Variants in ZDHHC11 observed in about 807,000 individuals in gnomAD.
ZDHHC11 encodes the protein zDHHC palmitoyltransferase 11.
ZDHHC11 carries 44 observed loss-of-function variants against 51.3 expected under a neutral mutation model. The observed-to-expected ratio is 0.86, with a 90% CI of 0.67 to 1.10. The LOEUF (loss-of-function observed/expected upper bound fraction) is 1.10, where lower values mean the gene tolerates loss of function less well. Ranked by LOEUF, ZDHHC11 falls within the 50% of genes least tolerant of loss-of-function variation. The pLI is 0.00. For missense variants in ZDHHC11, 400 were observed against 537.7 expected, an observed-to-expected ratio of 0.74 and a Z score of 2.53; for synonymous variants, 163 against 222.0, an observed-to-expected ratio of 0.73 and a Z score of 2.36.
chr5:843,965 CAGAG>C lies in ZDHHC11; in HGVS notation c.504-245_504-242del, dbSNP rs1361823644. Reference sequence around the variant, plus strand: ...GGGCATGCAGGGCAGGTGGGGGGTGCAGAGGCAGGGGCAGGGACACGCAGGGCAT... The same window carrying C: ...GGGCATGCAGGGCAGGTGGGGGGTGCGCAGGGGCAGGGACACGCAGGGCAT... On this transcript the variant is annotated intron_variant, in intron 3 of 12. Coordinates refer to ENST00000283441, the MANE Select transcript of ZDHHC11 (RefSeq NM_024786.3). Among the ~76,000 whole-genome samples, 377 of 72,568 alleles carry C rather than the reference CAGAG, an allele frequency of 5.2e-3. 3 individuals are homozygous for C. In the African/African-American group the frequency reaches 0.058, roughly 11 times the overall value. The allele number at this position is 72,568 out of a possible 152,430, so 47.6% of individuals were successfully genotyped here.
At position 838,634 on chromosome 5, in the gene ZDHHC11, C is replaced by T. The variant is rs545589282; in HGVS notation, c.785-1154G>A. On this transcript the variant is annotated intron_variant, in intron 5 of 12. Transcript: ENST00000283441. ...GGGGACAGGCCTGGGCGTCCTGCCTCCCGCCCACAGCAGCCGACTGCCTGT... is the reference window on the plus strand; with the variant it reads ...GGGGACAGGCCTGGGCGTCCTGCCTTCCGCCCACAGCAGCCGACTGCCTGT... 2.5e-3 allele frequency among the ~76,000 whole-genome samples: 375 copies of T among 152,258 alleles called. 5 individuals are homozygous for T. Among genetic ancestry groups the T allele is most frequent in the Non-Finnish European group, 4.4e-3 (298 of 67,962 alleles).
At chr5:855,355 G>A, upstream of ZDHHC11, among the ~76,000 whole-genome samples, 1 of 143,634 alleles carries the variant, frequency 7.0e-6, no homozygotes, top group Non-Finnish European at 1.5e-5. Context: ...AGGGGGCACA[G>A]ACCCCACAGA....
intron 3 of ZDHHC11, among the ~76,000 whole-genome samples, chr5:844,307 C>T: frequency 1.3e-5 from 2 of 152,296 alleles, no homozygotes; most frequent in Middle Eastern, 3.2e-3. Flanking sequence ...ACGTGATTGC[C>T]TTTAATCCCC....
At chr5:803,352 G>A (rs541018843) in intron 11 of ZDHHC11, among the ~76,000 whole-genome samples, 1 of 151,418 alleles carries the variant, frequency 6.6e-6, no homozygotes, top group East Asian at 1.9e-4. Context: ...TAGCTTGTTT[G>A]TAGCTAGATA....
intron 6 of ZDHHC11, among the ~76,000 whole-genome samples, chr5:836,913 C>T (rs1402313529): frequency 2.1e-5 from 3 of 145,540 alleles, no homozygotes; most frequent in Non-Finnish European, 4.6e-5. Flanking sequence ...AAAAATTAGT[C>T]GGGCGTAGTG....
chr5:797,551 ACTGT>A (rs1335746141), intron 12 of ZDHHC11, among the ~76,000 whole-genome samples: 1 of 151,244 alleles, frequency 6.6e-6, no homozygotes, highest in Non-Finnish European at 1.5e-5. Context: ...TCACTTTTCA[ACTGT>A]CTAATTTGTT....
intron 9 of ZDHHC11, 124 bp downstream of exon 9, chr5:821,737 T>C (rs1222073831): frequency 2.0e-6 from 2 of 999,326 alleles, no homozygotes; most frequent in Non-Finnish European, 2.9e-6. Context: ...TGCCACCTCC[T>C]GGCACTTCAG....
chr5:838,292 C>T (rs1203603447), intron 5 of ZDHHC11, among the ~76,000 whole-genome samples: 7 of 152,144 alleles, frequency 4.6e-5, no homozygotes, highest in East Asian at 3.9e-4. Context: ...TCTTAACAAA[C>T]GTTAATAAAA....
intron 3 of ZDHHC11, among the ~76,000 whole-genome samples, chr5:847,100 G>T (rs1382987802): frequency 7.1e-6 from 1 of 141,568 alleles, no homozygotes; most frequent in African/African-American, 2.9e-5. Flanking sequence ...TCATCTGTGA[G>T]CCTCGACCAT....
rs558339942 is a variant in ZDHHC11 at position 822,807 on chromosome 5, G to A, written c.1024-912C>T. Among the ~76,000 whole-genome samples the A allele has an allele frequency of 1.5e-3, 222 of 152,058 alleles. 6 individuals are homozygous for A. The highest frequency in any genetic ancestry group is 4.6e-3 in the Admixed American group (70 of 15,264). Reference sequence around the variant, plus strand: ...TTTCAGGTGTGAAGCTTTGTGCCTGGATGGTATCCTTAATCTGCTTTCTTG... The same window carrying A: ...TTTCAGGTGTGAAGCTTTGTGCCTGAATGGTATCCTTAATCTGCTTTCTTG... On this transcript the variant is annotated intron_variant, in intron 8 of 12. Coordinates refer to ENST00000283441, the MANE Select transcript of ZDHHC11 (RefSeq NM_024786.3).
Position 850,405 on chromosome 5 carries a change from G to A in ZDHHC11, c.198C>T (p.His66=), listed in dbSNP as rs146263663. 1.9e-5 allele frequency: 30 copies of A among 1,613,522 alleles called. No homozygotes were observed. In the Admixed American group the frequency reaches 2.5e-4, roughly 13 times the overall value. Residue 66 remains histidine (H), a synonymous_variant, in exon 1 of 13, where the codon CAC becomes CAT. Transcript: ENST00000283441. ...CCACGTAGGCAATGTATTTCCACGC[G>A]TGAGGCAGGAAGGGAATGAAGATCC... The part of the protein sequence containing the change: ...TFGIFIPFLP[H]AWKYIAYVVT...
chr5:809,139 C>T (rs2150306194), intron 11 of ZDHHC11, among the ~76,000 whole-genome samples: 1 of 145,932 alleles, frequency 6.9e-6, no homozygotes, highest in South Asian at 2.3e-4. Context: ...AACCTGAACC[C>T]AGCACCTGGA....
At chr5:821,683 G>A (rs1741586046) in intron 9 of ZDHHC11, among the ~76,000 whole-genome samples, 178 bp downstream of exon 9, 1 of 151,420 alleles carries the variant, frequency 6.6e-6, no homozygotes, top group Admixed American at 6.6e-5. Context: ...GCAGGCTGCT[G>A]TGATTCCACA....
chr5:851,173 C>T (rs1264259301), upstream of ZDHHC11, among the ~76,000 whole-genome samples: 1 of 152,218 alleles, frequency 6.6e-6, no homozygotes, highest in Non-Finnish European at 1.5e-5. Context: ...TCTGAGCTTC[C>T]CAGAGGAGCA....
At chr5:816,609 T>C in intron 10 of ZDHHC11, 2 of 628,364 alleles carry the variant, frequency 3.2e-6, no homozygotes, top group Non-Finnish European at 3.1e-6. Context: ...ATCTGTACAA[T>C]CTCCTGTTGC....
rs953088175 is a variant in ZDHHC11 at position 805,675 on chromosome 5, A to C, written c.1182-4511T>G. Among the ~76,000 whole-genome samples the C allele has an allele frequency of 2.6e-5, 4 of 151,354 alleles. 1 individual carries two copies. The highest frequency in any genetic ancestry group is 1.3e-4 in the Admixed American group (2 of 15,182). On this transcript the variant is annotated intron_variant, in intron 11 of 12. Transcript: ENST00000283441. ...AAATAGCAGAAGTGAATCATTTCTTATCAGTAATTACTTTAAACATTTTAT... is the reference window on the plus strand; with the variant it reads ...AAATAGCAGAAGTGAATCATTTCTTCTCAGTAATTACTTTAAACATTTTAT...
At chr5:841,057 T>C in intron 4 of ZDHHC11, 1 of 974,536 alleles carries the variant, frequency 1.0e-6, no homozygotes, top group Non-Finnish European at 1.2e-6. Flanking sequence ...TGCCCACCCC[T>C]TCCTCACTAA....
chr5:812,393 C>T (rs1368918753), intron 11 of ZDHHC11, among the ~76,000 whole-genome samples: 1 of 151,966 alleles, frequency 6.6e-6, no homozygotes, highest in Non-Finnish European at 1.5e-5. Context: ...ACAATACAAA[C>T]AACTCCATTT....
rs1211450639 is a variant in ZDHHC11, at chr5:809,454, A to G, written c.1181+5307T>C. On this transcript the variant is annotated intron_variant, in intron 11 of 12. Transcript: ENST00000283441. ...TGACAGGATTCGTGAGTGCCTTCAGAACACGCATGTGAGTGAGATCTCACT... is the reference window on the plus strand; with the variant it reads ...TGACAGGATTCGTGAGTGCCTTCAGGACACGCATGTGAGTGAGATCTCACT... Among the ~76,000 whole-genome samples the G allele has an allele frequency of 3.3e-5, 5 of 149,320 alleles. 1 individual carries two copies. Among genetic ancestry groups the G allele is most frequent in the Admixed American group, 1.3e-4 (2 of 15,020 alleles).
Sources: allele counts gnomAD v4.1 joint callset (sites outside exome capture counted in the v4.1 genomes callset), GRCh38; gene constraint gnomAD v4.1.1; transcripts MANE v1.5; gene names NCBI Gene and HGNC (gene_info 2026-07-23, HGNC 2026-07-21).